TRAF5: variants seen among roughly 807,000 people sequenced by gnomAD.
TRAF5 encodes the protein TNF receptor associated factor 5, also known as TNF receptor-associated factor 5.
Under a neutral mutation model 64.5 loss-of-function variants are expected in TRAF5, and 48 were observed. That is an observed-to-expected ratio of 0.74 (90% CI 0.59 to 0.95). The LOEUF (loss-of-function observed/expected upper bound fraction) is 0.95. Among genes scored for constraint, TRAF5 ranks in the 40% least tolerant of loss-of-function variants. The probability of loss-of-function intolerance (pLI) is 0.00; values close to 1 mark genes in which losing one functional copy is unlikely to be tolerated. For missense variants in TRAF5, 545 were observed against 662.8 expected, an observed-to-expected ratio of 0.82 and a Z score of 1.95; for synonymous variants, 206 against 240.5, an observed-to-expected ratio of 0.86 and a Z score of 1.33.
chr1:211,369,997 T>G (rs1255900674), intron 9 of TRAF5, among the ~76,000 whole-genome samples: 1 of 152,210 alleles, frequency 6.6e-6, no homozygotes, highest in Non-Finnish European at 1.5e-5. Flanking sequence ...TATCAGTAAC[T>G]TTAACATTGA....
At chr1:211,350,747 A>C (rs1291998601) in intron 1 of TRAF5, among the ~76,000 whole-genome samples, 1 of 152,126 alleles carries the variant, frequency 6.6e-6, no homozygotes, top group Non-Finnish European at 1.5e-5. Context: ...TAAACAACAG[A>C]GGTTTCTGAC....
intron 8 of TRAF5, among the ~76,000 whole-genome samples, chr1:211,366,952 C>T (rs931783420): frequency 5.8e-5 from 8 of 137,976 alleles, no homozygotes; most frequent in African/African-American, 2.0e-4. Context: ...AATTGGAAAA[C>T]ACTTGGTCAG....
chr1:211,361,339 GA>G (rs1346240675), intron 7 of TRAF5, among the ~76,000 whole-genome samples, 177 bp downstream of exon 7: 3 of 152,204 alleles, frequency 2.0e-5, no homozygotes, highest in Non-Finnish European at 2.9e-5. Flanking sequence ...TACATATATA[GA>G]GAGATTTATT....
chr1:211,360,253 G>C, intron 5 of TRAF5, 177 bp downstream of exon 5: 1 of 630,984 alleles, frequency 1.6e-6, no homozygotes, highest in Admixed American at 3.0e-5. Context: ...CCTTCTTGTT[G>C]GTAGCACTCC....
At chr1:211,342,086 C>T (rs1702462588) in intron 1 of TRAF5, among the ~76,000 whole-genome samples, 1 of 152,184 alleles carries the variant, frequency 6.6e-6, no homozygotes, top group African/African-American at 2.4e-5. Context: ...GTATTTGAGG[C>T]CTTGTGGGCC....
At chr1:211,343,715 C>T (rs914771599) in intron 1 of TRAF5, among the ~76,000 whole-genome samples, 1 of 152,230 alleles carries the variant, frequency 6.6e-6, no homozygotes, top group Non-Finnish European at 1.5e-5. Context: ...ATACCCTTCT[C>T]TTGCCCTCTG....
Position 211,334,748 on chromosome 1 carries a change from C to A in TRAF5, c.-2+7859C>A, listed in dbSNP as rs141124594. On this transcript the variant is annotated intron_variant, in intron 1 of 10. Coordinates refer to ENST00000261464, the MANE Select transcript of TRAF5 (RefSeq NM_001033910.3). The stretch of plus-strand genomic sequence containing the variant: ...CTCTTAGCAGTTCAGGTGGTGGGAG[C>A]CTTACTGAAATCCATGTTCCAGACA... 3.2e-3 allele frequency among the ~76,000 whole-genome samples: 482 copies of A among 152,318 alleles called. 2 individuals carry two copies. The highest frequency in any genetic ancestry group is 0.011 in the African/African-American group (465 of 41,564).
intron 8 of TRAF5, among the ~76,000 whole-genome samples, chr1:211,366,367 C>G (rs1572091160): frequency 6.6e-6 from 1 of 152,312 alleles, no homozygotes; most frequent in East Asian, 1.9e-4. Flanking sequence ...TCAGTTGCCT[C>G]ATTCATCCAT....
intron 7 of TRAF5, among the ~76,000 whole-genome samples, chr1:211,361,884 A>G (rs1703197496): frequency 6.6e-6 from 1 of 151,608 alleles, no homozygotes; most frequent in Admixed American, 6.6e-5. Flanking sequence ...TTTAGTAGAG[A>G]CAGGGTTTCA....
intron 8 of TRAF5, among the ~76,000 whole-genome samples, chr1:211,367,045 G>T (rs1703377313): frequency 6.6e-6 from 1 of 152,166 alleles, no homozygotes; most frequent in East Asian, 1.9e-4. Context: ...ACACTGGTAC[G>T]ATCTGGACTG....
chr1:211,350,196 C>T (rs1702740186), intron 1 of TRAF5, among the ~76,000 whole-genome samples: 1 of 151,774 alleles, frequency 6.6e-6, no homozygotes, highest in African/African-American at 2.4e-5. Context: ...GTCTCAAACC[C>T]CAGGCTTTTT....
At chr1:211,347,987 T>C (rs1442369121) in intron 1 of TRAF5, among the ~76,000 whole-genome samples, 8 of 152,226 alleles carry the variant, frequency 5.3e-5, no homozygotes, top group African/African-American at 1.9e-4. Context: ...AGCAGATTAT[T>C]AAATGTTTAC....
Position 211,326,889 on chromosome 1 carries a change from C to G in TRAF5, c.-2C>G, listed in dbSNP as rs1490519122. The G allele has an allele frequency of 3.0e-6, 3 of 985,184 alleles. No homozygotes were observed. Among genetic ancestry groups the G allele is most frequent in the Non-Finnish European group, 3.6e-6 (3 of 829,656 alleles). 61.0% of individuals were successfully genotyped at this position (985,184 alleles called of 1,614,324 possible). On this transcript the variant is annotated splice_region_variant and 5_prime_UTR_variant, in exon 1 of 11. Coordinates refer to ENST00000261464, the MANE Select transcript of TRAF5 (RefSeq NM_001033910.3). The surrounding 1 kb of genome is among the most constrained non-coding windows in gnomAD (Gnocchi z 5.0). ...CGCGGAGCCCGCGCGCCGAGCCCCACGTGAGTCCGGCGGGTCGCCGCCCTG... is the reference window on the plus strand; with the variant it reads ...CGCGGAGCCCGCGCGCCGAGCCCCAGGTGAGTCCGGCGGGTCGCCGCCCTG...
chr1:211,364,588 A>C (rs1173087863), intron 7 of TRAF5, among the ~76,000 whole-genome samples: 1 of 151,928 alleles, frequency 6.6e-6, no homozygotes, highest in East Asian at 1.9e-4. Flanking sequence ...CGGGAGGCTG[A>C]GGCAGGAGAA....
chr1:211,354,991 G>A lies in TRAF5; in HGVS notation c.276+524G>A, dbSNP rs113386494. Among the ~76,000 whole-genome samples, 978 of 152,128 alleles carry A rather than the reference G, an allele frequency of 6.4e-3. 4 individuals are homozygous for A. The highest frequency in any genetic ancestry group is 9.6e-3 in the Non-Finnish European group (656 of 68,006). ...AGTTTGAGACCAGCTTGACCAACAT[G>A]GCGAAACCCTGTCTCTACTAAAAAT... On this transcript the variant is annotated intron_variant, in intron 3 of 10. Coordinates refer to ENST00000261464, the MANE Select transcript of TRAF5 (RefSeq NM_001033910.3).
rs528544898 is a variant in TRAF5 at position 211,358,809 on chromosome 1, A to AAT, written c.379-1103_379-1102insAT. 7.6e-3 allele frequency: 121 copies of AAT among 15,956 alleles called. 1 individual carries two copies. Among genetic ancestry groups the AAT allele is most frequent in the African/African-American group, 0.019 (117 of 6,120 alleles). 1.0% of individuals were successfully genotyped at this position (15,956 alleles called of 1,614,324 possible). A position where few individuals can be genotyped will look rare whatever the true frequency, so the allele number is the denominator to read the frequency against. ...TTAAATAATATTAAATAGTATATATAGTTATATATTACATATAATATATTA... is the reference window on the plus strand; with the variant it reads ...TTAAATAATATTAAATAGTATATATAATGTTATATATTACATATAATATATTA... On this transcript the variant is annotated intron_variant, in intron 4 of 10. Transcript: ENST00000261464.
chr1:211,339,600 C>T (rs1702391169), intron 1 of TRAF5, among the ~76,000 whole-genome samples: 1 of 152,196 alleles, frequency 6.6e-6, no homozygotes, highest in Non-Finnish European at 1.5e-5. Flanking sequence ...CTCTGGGCTC[C>T]CTACCTGCTC....
intron 1 of TRAF5, among the ~76,000 whole-genome samples, chr1:211,344,921 T>TTTTA (rs989813570): frequency 2.0e-5 from 3 of 152,056 alleles, no homozygotes; most frequent in South Asian, 2.1e-4. Context: ...ACCCTGCTAA[T>TTTTA]TTTATTTATT....
rs1703578165 is a variant in TRAF5, at chr1:211,372,652, A to G, written c.1624A>G (p.Thr542Ala). ...CAAGAACGCCTACATTAAAGATGAC[A>G]CTCTGTTCTTGAAAGTGGCCGTGGA... is the stretch of plus-strand genomic sequence containing the variant. ...NAKNAYIKDD[T>A]LFLKVAVDLT... Residue 542 changes from threonine (T) to alanine (A), a missense_variant, in exon 11 of 11, where the codon ACT becomes GCT. Physicochemically the swap from Thr to Ala is moderately conservative, Grantham distance 58. Coordinates refer to ENST00000261464, the MANE Select transcript of TRAF5 (RefSeq NM_001033910.3). The G allele has an allele frequency of 1.9e-6, 3 of 1,613,860 alleles. No homozygotes were observed. The South Asian group carries it at 3.3e-5, about 18-fold the overall frequency.
Sources: gnomAD v4.1 joint callset for allele counts (sites outside exome capture counted in the v4.1 genomes callset) on GRCh38, gnomAD v4.1.1 for gene constraint, Gnocchi (gnomAD v3.1) non-coding constraint, MANE v1.5 for transcripts, NCBI Gene and HGNC (gene_info 2026-07-23, HGNC 2026-07-21) for gene names.